Variants in TRABD2B observed in about 807,000 individuals in gnomAD.
TRABD2B encodes TraB domain containing 2B, also known as metalloprotease TIKI2.
A neutral mutation model predicts 40.1 loss-of-function variants in TRABD2B; 14 were observed. The ratio of observed to expected loss-of-function variants is 0.35; its 90% CI spans 0.23 to 0.55. The LOEUF (loss-of-function observed/expected upper bound fraction) is 0.55. Among genes scored for constraint, TRABD2B ranks in the 20% least tolerant of loss-of-function variants. The pLI, the probability that TRABD2B is intolerant of heterozygous loss-of-function variation, is 0.90. For synonymous variants in TRABD2B, 263 were observed against 277.0 expected (o/e 0.95, Z 0.50); for missense variants, 541 against 648.6 (o/e 0.83, Z 1.80).
At chr1:47,866,872 GA>G (rs1257683372) in intron 2 of TRABD2B, among the ~76,000 whole-genome samples, 1 of 152,184 alleles carries the variant, frequency 6.6e-6, no homozygotes, top group Non-Finnish European at 1.5e-5. Flanking sequence ...CCAAGGTCTA[GA>G]AATGAGCTAC....
chr1:47,922,828 T>C (rs1293875018), intron 2 of TRABD2B, among the ~76,000 whole-genome samples: 1 of 152,202 alleles, frequency 6.6e-6, no homozygotes, highest in African/African-American at 2.4e-5. Context: ...TTCTCTGCAG[T>C]CCACTGATGG....
chr1:47,927,935 C>T (rs376820253), intron 2 of TRABD2B, among the ~76,000 whole-genome samples: 1 of 152,216 alleles, frequency 6.6e-6, no homozygotes, highest in Non-Finnish European at 1.5e-5. Flanking sequence ...TTAAGCCCTT[C>T]GTATTCAAAG....
At chr1:47,896,698 G>A (rs777116900) in intron 2 of TRABD2B, among the ~76,000 whole-genome samples, 1 of 152,146 alleles carries the variant, frequency 6.6e-6, no homozygotes, top group East Asian at 1.9e-4. Flanking sequence ...TCTACCTCTC[G>A]GCCTGGGGAA....
At chr1:47,973,265 T>C (rs1645707152) in intron 2 of TRABD2B, among the ~76,000 whole-genome samples, 1 of 152,224 alleles carries the variant, frequency 6.6e-6, no homozygotes, top group African/African-American at 2.4e-5. Context: ...GCCAGGTCTC[T>C]GGCAACTGGT....
chr1:47,876,687 C>G (rs1042944946), intron 2 of TRABD2B, among the ~76,000 whole-genome samples: 9 of 152,248 alleles, frequency 5.9e-5, no homozygotes, highest in African/African-American at 2.2e-4. Flanking sequence ...GGGGGGCCCA[C>G]AGCCTCCAGC....
In TRABD2B at chr1:47,775,340, G is replaced by C; in HGVS notation, c.1179C>G (p.Thr393=). 1 of 1,241,570 alleles carries C rather than the reference G, an allele frequency of 8.1e-7. No individual in the cohort carries two copies. The highest frequency in any genetic ancestry group is 1.0e-6 in the Non-Finnish European group (1 of 991,260). 76.9% of individuals were successfully genotyped at this position (1,241,570 alleles called of 1,614,324 possible). The change falls in exon 6 of 7, where the codon ACC becomes ACG. Residue 393 remains threonine, a synonymous_variant. Transcript: ENST00000606738. ...AAAVPEAPSV[T]PTAPPEDEDP... ...CCTCATCCTCTGGTGGGGCGGTGGG[G>C]GTCACAGAGGGTGCTTCGGGGACAG...
At chr1:47,852,775 T>TA (rs746838258) in intron 2 of TRABD2B, among the ~76,000 whole-genome samples, 1 of 152,050 alleles carries the variant, frequency 6.6e-6, no homozygotes, top group Non-Finnish European at 1.5e-5. Context: ...GAGGTTAAGT[T>TA]ATTCATCCAA....
chr1:47,919,138 C>T (rs1344468905), intron 2 of TRABD2B, among the ~76,000 whole-genome samples: 3 of 152,162 alleles, frequency 2.0e-5, no homozygotes, highest in African/African-American at 4.8e-5. Flanking sequence ...AGGCAGAGTG[C>T]TCTGTGCTTG....
Position 47,765,749 on chromosome 1 carries a change from T to C in TRABD2B, c.*153A>G. The stretch of plus-strand genomic sequence containing the variant: ...CCTTCTACAAAAAAGAAGATGTAAC[T>C]TGGGTACAGTAAAGCTCTAGAGTGT... On this transcript the variant is annotated 3_prime_UTR_variant, in exon 7 of 7. Transcript: ENST00000606738. The C allele has an allele frequency of 1.5e-6, 1 of 656,954 alleles. No homozygotes were observed. The highest frequency in any genetic ancestry group is 1.7e-5 in the South Asian group (1 of 59,794). 40.7% of individuals were successfully genotyped at this position (656,954 alleles called of 1,614,324 possible).
At chr1:47,768,737 T>C (rs1219714467) in intron 6 of TRABD2B, among the ~76,000 whole-genome samples, 2 of 152,244 alleles carry the variant, frequency 1.3e-5, no homozygotes, top group Non-Finnish European at 1.5e-5. Flanking sequence ...AGGTTGGCTA[T>C]TTTTAGCATC....
At chr1:47,836,021 T>C (rs897292285) in intron 2 of TRABD2B, among the ~76,000 whole-genome samples, 1 of 152,202 alleles carries the variant, frequency 6.6e-6, no homozygotes, top group African/African-American at 2.4e-5. Context: ...ATGACAATAA[T>C]GGCACAAAGG....
intron 2 of TRABD2B, among the ~76,000 whole-genome samples, chr1:47,936,770 A>C (rs1443725531): frequency 6.6e-6 from 1 of 152,200 alleles, no homozygotes; most frequent in African/African-American, 2.4e-5. Flanking sequence ...TAAGTATGAT[A>C]ACAGTACCTG....
intron 2 of TRABD2B, among the ~76,000 whole-genome samples, chr1:47,920,391 A>G (rs1236457668): frequency 3.9e-5 from 6 of 152,226 alleles, no homozygotes; most frequent in African/African-American, 1.4e-4. Flanking sequence ...CCTCAAAATG[A>G]TGCATGACCT....
intron 2 of TRABD2B, among the ~76,000 whole-genome samples, chr1:47,961,334 A>G (rs1292529058): frequency 6.6e-6 from 1 of 152,338 alleles, no homozygotes; most frequent in South Asian, 2.1e-4. Context: ...ACCAAAAGCA[A>G]TGGCAACAAA....
intron 2 of TRABD2B, among the ~76,000 whole-genome samples, chr1:47,883,989 A>G (rs956423201): frequency 1.4e-4 from 21 of 152,002 alleles, no homozygotes; most frequent in African/African-American, 4.4e-4. Flanking sequence ...ATTGTGCTTG[A>G]CCCCCAGGGG....
chr1:47,987,738 G>A (rs865947699), intron 2 of TRABD2B, among the ~76,000 whole-genome samples: 5 of 152,202 alleles, frequency 3.3e-5, no homozygotes, highest in Non-Finnish European at 7.3e-5. Context: ...CACATGCCCA[G>A]GGGTCCCTGC....
At chr1:47,928,498 C>T (rs1035410637) in intron 2 of TRABD2B, among the ~76,000 whole-genome samples, 2 of 152,222 alleles carry the variant, frequency 1.3e-5, no homozygotes, top group African/African-American at 2.4e-5. Flanking sequence ...AAACTCCACA[C>T]CCCATGATTA....
chr1:47,794,965 C>T (rs1644728718), intron 3 of TRABD2B, among the ~76,000 whole-genome samples: 1 of 152,080 alleles, frequency 6.6e-6, no homozygotes, highest in South Asian at 2.1e-4. Flanking sequence ...GATTGAATCC[C>T]ACTATGTTGC....
intron 2 of TRABD2B, among the ~76,000 whole-genome samples, chr1:47,957,374 A>C (rs1645439824): frequency 6.6e-6 from 1 of 152,242 alleles, no homozygotes; most frequent in Admixed American, 6.5e-5. Context: ...CGACGAGTTG[A>C]GAGAAGAAGG....
Sources: allele counts gnomAD v4.1 joint callset (sites outside exome capture counted in the v4.1 genomes callset), GRCh38; gene constraint gnomAD v4.1.1; transcripts MANE v1.5; gene names NCBI Gene and HGNC (gene_info 2026-07-23, HGNC 2026-07-21).